The following SLC24A2 variants were observed in gnomAD, a reference collection of about 807,000 sequenced individuals.
SLC24A2 encodes the protein solute carrier family 24 member 2.
Under a neutral mutation model 62.0 loss-of-function variants are expected in SLC24A2, and 36 were observed. That is an observed-to-expected ratio of 0.58 (90% confidence interval 0.44 to 0.77). SLC24A2 has a LOEUF of 0.77. Ranked by LOEUF, SLC24A2 falls within the 30% of genes least tolerant of loss-of-function variation. The pLI is 0.00. For synonymous variants in SLC24A2, 358 were observed against 294.0 expected (o/e 1.22, Z -2.23); for missense variants, 846 against 817.9 (o/e 1.03, Z -0.42).
the SLC24A2 span, among the ~76,000 whole-genome samples, chr9:20,300,356 A>G: frequency 6.6e-6 from 1 of 152,318 alleles, no homozygotes; most frequent in South Asian, 2.1e-4. Context: ...TGACTTTGAA[A>G]AATAGTCACT....
the SLC24A2 span, among the ~76,000 whole-genome samples, chr9:20,276,467 G>T: frequency 3.3e-5 from 5 of 152,232 alleles, no homozygotes; most frequent in Non-Finnish European, 7.3e-5. Flanking sequence ...GCAGGGTACA[G>T]CCCCACTCCT....
At chr9:19,831,473 T>C in the SLC24A2 span, among the ~76,000 whole-genome samples, 6 of 152,228 alleles carry the variant, frequency 3.9e-5, no homozygotes, top group Admixed American at 6.5e-5. Flanking sequence ...ATAAGCCATA[T>C]TGAAACTTGA....
chr9:20,161,695 A>T, the SLC24A2 span, among the ~76,000 whole-genome samples: 1 of 151,310 alleles, frequency 6.6e-6, no homozygotes, highest in Non-Finnish European at 1.5e-5. Context: ...GAAAATAAGA[A>T]TGATGCATAT....
intron 2 of SLC24A2, among the ~76,000 whole-genome samples, chr9:19,761,434 G>A (rs927917614): frequency 2.6e-5 from 4 of 151,340 alleles, no homozygotes; most frequent in African/African-American, 9.7e-5. Context: ...TTTTTCATAT[G>A]TTTGTTGGTT....
At chr9:20,234,019 GA>G in the SLC24A2 span, among the ~76,000 whole-genome samples, 66 of 152,324 alleles carry the variant, frequency 4.3e-4, no homozygotes, top group African/African-American at 1.3e-3. Flanking sequence ...ATTCTGGGTT[GA>G]AAATTATTTT....
chr9:19,591,699 G>C (rs747669022), intron 5 of SLC24A2, among the ~76,000 whole-genome samples: 13 of 152,228 alleles, frequency 8.5e-5, no homozygotes, highest in Non-Finnish European at 1.2e-4. Flanking sequence ...ATACGAGGGT[G>C]GTGGAGCAGA....
chr9:19,645,666 G>A (rs888390638), intron 2 of SLC24A2, among the ~76,000 whole-genome samples: 3 of 152,118 alleles, frequency 2.0e-5, no homozygotes, highest in Admixed American at 6.5e-5. Context: ...GGGGACAGTG[G>A]AGGACATCCC....
At chr9:20,135,056 T>C in the SLC24A2 span, among the ~76,000 whole-genome samples, 1 of 152,140 alleles carries the variant, frequency 6.6e-6, no homozygotes, top group African/African-American at 2.4e-5. Context: ...AGACATCTTT[T>C]TAGAAGCCTC....
At chr9:19,516,530 G>A in intron 10 of SLC24A2, 128 bp from the exon 11 acceptor site, 2 of 1,163,864 alleles carry the variant, frequency 1.7e-6, no homozygotes, top group Non-Finnish European at 2.4e-6. Context: ...TGTCTTGTTA[G>A]GTTCACTATG....
the SLC24A2 span, among the ~76,000 whole-genome samples, chr9:19,996,275 G>A: frequency 1.2e-4 from 18 of 152,272 alleles, no homozygotes; most frequent in African/African-American, 3.9e-4. Context: ...GAGAGTGATT[G>A]AATATTTTCA....
chr9:19,525,689 C>A (rs1586890895), intron 9 of SLC24A2, among the ~76,000 whole-genome samples: 1 of 151,500 alleles, frequency 6.6e-6, no homozygotes, highest in South Asian at 2.1e-4. Flanking sequence ...CAGGCATGAC[C>A]CACTGCAACC....
chr9:19,554,592 T>C (rs1183364933), intron 7 of SLC24A2, among the ~76,000 whole-genome samples: 1 of 152,330 alleles, frequency 6.6e-6, no homozygotes, highest in East Asian at 1.9e-4. Flanking sequence ...ACTCTGGTTT[T>C]CAGCCTTCTC....
chr9:20,292,148 C>T, the SLC24A2 span, among the ~76,000 whole-genome samples: 1 of 150,358 alleles, frequency 6.7e-6, no homozygotes. Context: ...TGGAGCCAGC[C>T]AATCAAAAAA....
chr9:19,988,500 A>G, the SLC24A2 span, among the ~76,000 whole-genome samples: 216 of 152,278 alleles, frequency 1.4e-3, 2 homozygotes, highest in African/African-American at 5.1e-3. Context: ...GACTGGCACA[A>G]TCAGCGTTCC....
chr9:20,108,482 A>C, the SLC24A2 span, among the ~76,000 whole-genome samples: 1 of 152,200 alleles, frequency 6.6e-6, no homozygotes, highest in Non-Finnish European at 1.5e-5. Context: ...GATTAAGAAA[A>C]CTTGGCACAT....
chr9:20,079,924 A>G, the SLC24A2 span, among the ~76,000 whole-genome samples: 3 of 152,176 alleles, frequency 2.0e-5, no homozygotes, highest in Non-Finnish European at 4.4e-5. Context: ...TACAAGGGAC[A>G]TGAAGGACCT....
chr9:20,091,444 C>G, the SLC24A2 span, among the ~76,000 whole-genome samples: 2 of 152,154 alleles, frequency 1.3e-5, no homozygotes, highest in Admixed American at 6.5e-5. Context: ...TTAAAGGCAG[C>G]TAGAGAGAAA....
At chr9:19,667,677 C>T (rs1415487300) in intron 2 of SLC24A2, among the ~76,000 whole-genome samples, 2 of 152,130 alleles carry the variant, frequency 1.3e-5, no homozygotes, top group African/African-American at 4.8e-5. Context: ...ACTGGAGGGT[C>T]AGCTCCCTGG....
the SLC24A2 span, among the ~76,000 whole-genome samples, chr9:19,844,462 GCTGT>G: frequency 1.3e-5 from 2 of 151,944 alleles, no homozygotes; most frequent in Non-Finnish European, 2.9e-5. Flanking sequence ...CATTCTATAG[GCTGT>G]CTGTTTACTC....
Sources: allele counts gnomAD v4.1 joint callset (sites outside exome capture counted in the v4.1 genomes callset), GRCh38; gene constraint gnomAD v4.1.1; transcripts MANE v1.5; gene names NCBI Gene and HGNC (gene_info 2026-07-23, HGNC 2026-07-21).